The following PDZD7 variants were observed in gnomAD, a reference collection of about 807,000 sequenced individuals.
PDZD7 encodes the protein PDZ domain containing 7.
PDZD7 carries 72 observed loss-of-function variants against 84.7 expected under a neutral mutation model. The observed-to-expected ratio is 0.85, with a 90% CI of 0.70 to 1.03. The LOEUF (loss-of-function observed/expected upper bound fraction) is 1.03, where lower values mean the gene tolerates loss of function less well. Among genes scored for constraint, PDZD7 ranks in the 50% least tolerant of loss-of-function variants. The probability of loss-of-function intolerance (pLI) is 0.00; values close to 1 mark genes in which losing one functional copy is unlikely to be tolerated. For missense variants in PDZD7, 1,490 were observed against 1,412.9 expected, an observed-to-expected ratio of 1.05 and a Z score of -0.87; for synonymous variants, 594 against 580.7, an observed-to-expected ratio of 1.02 and a Z score of -0.33.
At chr10:101,009,187 C>G (rs1015380680) in intron 16 of PDZD7, 63 bp downstream of exon 16, 2 of 1,399,216 alleles carry the variant, frequency 1.4e-6, no homozygotes, top group Non-Finnish European at 1.9e-6. Flanking sequence ...GCATGGCCAG[C>G]CCCACCTCCT....
chr10:101,010,138 G>C (rs1852344503), intron 15 of PDZD7, 134 bp downstream of exon 15: 2 of 1,152,150 alleles, frequency 1.7e-6, no homozygotes, highest in Admixed American at 3.0e-5. Flanking sequence ...CAAGTGATCC[G>C]CCTGCCTCAG....
In PDZD7 at chr10:101,010,616, C is replaced by G; in HGVS notation, c.2273G>C (p.Arg758Pro). 6.7e-7 allele frequency: 1 copy of G among 1,502,866 alleles called. No individual in the cohort carries two copies. The highest frequency in any genetic ancestry group is 8.9e-7 in the Non-Finnish European group (1 of 1,126,946). 93.1% of individuals were successfully genotyped at this position (1,502,866 alleles called of 1,614,324 possible). ...PNWLLTEPLS[R>P]EHPPQSQIRG... ...GATCTGGCTCTGCGGAGGGTGCTCT[C>G]GGCTCAGGGGTTCTGTCAGCAGCCA... is the stretch of plus-strand genomic sequence containing the variant. The change falls in exon 15 of 17, where the codon CGA becomes CCA. Residue 758 changes from arginine to proline, a missense_variant. Arg to Pro is a moderately radical substitution (Grantham distance 103). Coordinates refer to ENST00000619208, the MANE Select transcript of PDZD7 (RefSeq NM_001195263.2).
At position 101,008,531 on chromosome 10, in the gene PDZD7, G is replaced by A. The variant is rs1367757642; in HGVS notation, c.3038C>T (p.Pro1013Leu). The part of the protein sequence containing the change: ...DARLLQPTPS[P>L]APSPALQTPD... ...AGTCTGGAGGGCTGGGGAGGGGGCT[G>A]GGCTGGGAGTTGGCTGGAGGAGCCT... Residue 1013 changes from proline (P) to leucine (L), a missense_variant, in exon 17 of 17, where the codon CCA becomes CTA. By Grantham distance (98) the Pro-to-Leu change is moderately conservative. Transcript: ENST00000619208. The A allele has an allele frequency of 2.0e-6, 3 of 1,534,900 alleles. No individual in the cohort carries two copies. The highest frequency in any genetic ancestry group is 2.0e-5 in the Admixed American group (1 of 50,942).
intron 2 of PDZD7, among the ~76,000 whole-genome samples, chr10:101,028,902 T>C (rs893934109): frequency 6.6e-6 from 1 of 152,154 alleles, no homozygotes; most frequent in Non-Finnish European, 1.5e-5. Flanking sequence ...GCCAGGGCAC[T>C]GGTGGAGGAA....
In PDZD7 at chr10:101,012,205, G is replaced by A. The variant is rs1451070551; in HGVS notation, c.1803C>T (p.Leu601=). The A allele has an allele frequency of 2.6e-6, 4 of 1,550,406 alleles. No homozygotes were observed. Among genetic ancestry groups the A allele is most frequent in the Admixed American group, 2.0e-5 (1 of 51,014 alleles). The change falls in exon 12 of 17, where the codon CTC becomes CTT. Residue 601 remains leucine (L), a synonymous_variant. Coordinates refer to ENST00000619208, the MANE Select transcript of PDZD7 (RefSeq NM_001195263.2). ...GCAGTAGCAGCTTCTCCGGCCTGTC[G>A]AGGATGGCCAGCAGGGGCCTCACCA... ...EDLVRPLLAI[L]DRPEKLLLLQ... is the part of the protein sequence containing the mutation.
intron 14 of PDZD7, chr10:101,011,184 G>A: frequency 1.4e-6 from 1 of 707,894 alleles, no homozygotes; most frequent in Non-Finnish European, 2.1e-6. Flanking sequence ...TGGGATTACA[G>A]GCGTGCACCA....
At chr10:101,027,111 A>G (rs919737143) in intron 2 of PDZD7, among the ~76,000 whole-genome samples, 1 of 152,152 alleles carries the variant, frequency 6.6e-6, no homozygotes, top group Non-Finnish European at 1.5e-5. Flanking sequence ...TTCTCTATAC[A>G]GTACCCAGAG....
chr10:101,022,272 T>G lies in PDZD7; in HGVS notation c.656A>C (p.Asp219Ala), dbSNP rs1451728737. ...RIVHLYTTSDDFCLGFNIRGG... is the reference protein window; with the variant it reads ...RIVHLYTTSDAFCLGFNIRGG... Reference sequence around the variant, plus strand: ...ACGGATGTTGAAGCCCAGGCAGAAGTCGTCGGAGGTTGTGTATAGGTGGAC... The same window carrying G: ...ACGGATGTTGAAGCCCAGGCAGAAGGCGTCGGAGGTTGTGTATAGGTGGAC... Residue 219 changes from aspartate (D) to alanine (A), a missense_variant, in exon 5 of 17, where the codon GAC becomes GCC. By Grantham distance (126) the Asp-to-Ala change is moderately radical. Coordinates refer to ENST00000619208, the MANE Select transcript of PDZD7 (RefSeq NM_001195263.2). The G allele has an allele frequency of 2.5e-6, 4 of 1,614,068 alleles. No homozygotes were observed. In the South Asian group the frequency reaches 4.4e-5, roughly 18 times the overall value.
intron 2 of PDZD7, among the ~76,000 whole-genome samples, chr10:101,027,687 T>C (rs1263261022): frequency 6.6e-6 from 1 of 151,958 alleles, no homozygotes; most frequent in Admixed American, 6.5e-5. Context: ...ATGATCACAT[T>C]CTGACTCTTC....
At chr10:101,023,410 G>T in intron 4 of PDZD7, 26 bp downstream of exon 4, 1 of 1,613,790 alleles carries the variant, frequency 6.2e-7, no homozygotes. Context: ...CAAGGCCAGG[G>T]CTAGGATGAG....
chr10:101,022,144 C>T lies in PDZD7; in HGVS notation c.719+65G>A, dbSNP rs1554835941. On this transcript the variant is annotated intron_variant, in intron 5 of 16. Coordinates refer to ENST00000619208, the MANE Select transcript of PDZD7 (RefSeq NM_001195263.2). ...CTTGCTGACCATCCCCACATCCCAG[C>T]CTAGGCCCCACTCCAGACCCCATTC... is the stretch of plus-strand genomic sequence containing the variant. 40 of 1,605,422 alleles carry T rather than the reference C, an allele frequency of 2.5e-5. No homozygotes were observed. The South Asian group carries it at 4.3e-4, about 17-fold the overall frequency.
intron 6 of PDZD7, 27 bp from the exon 7 acceptor site, chr10:101,020,705 G>C (rs1434831872): frequency 6.3e-7 from 1 of 1,585,300 alleles, no homozygotes; most frequent in Non-Finnish European, 8.7e-7. Flanking sequence ...GGGCATAGGA[G>C]GGAAGGGGGA....
At chr10:101,014,671 GACACAC>G (rs3051191) in intron 11 of PDZD7, among the ~76,000 whole-genome samples, 1 of 149,042 alleles carries the variant, frequency 6.7e-6, no homozygotes, top group Admixed American at 6.7e-5. Flanking sequence ...ACAATGCATG[GACACAC>G]ACACACACAC....
At chr10:101,021,774 C>A in intron 6 of PDZD7, 24 bp downstream of exon 6, 1 of 1,614,178 alleles carries the variant, frequency 6.2e-7, no homozygotes, top group Non-Finnish European at 8.5e-7. Context: ...CCTCACCTCT[C>A]CCTACCCCCA....
intron 9 of PDZD7, chr10:101,017,862 A>AGAAAGAAAGAAG: frequency 2.3e-6 from 1 of 428,574 alleles, no homozygotes. Flanking sequence ...AAAGAAAGAA[A>AGAAAGAAAGAAG]GAAAGAAAGA....
intron 11 of PDZD7, 100 bp downstream of exon 11, chr10:101,015,536 T>C: frequency 7.1e-7 from 1 of 1,411,122 alleles, no homozygotes; most frequent in Non-Finnish European, 9.5e-7. Flanking sequence ...CCTCCTGGTG[T>C]CAAGCCCAGA....
At position 101,017,381 on chromosome 10, in the gene PDZD7, T is replaced by C. The variant is rs1852676632; in HGVS notation, c.1522+718A>G. ...TCAGCAGCTGAGCCAAGACGTGCTT[T>C]ATTTTTCTTTTACTTTTTTTTTTTC... On this transcript the variant is annotated intron_variant, in intron 9 of 16. Transcript: ENST00000619208. 6.9e-6 allele frequency: 3 copies of C among 432,832 alleles called. No individual in the cohort carries two copies. The South Asian group carries it at 1.4e-4, about 20-fold the overall frequency. 26.8% of individuals were successfully genotyped at this position (432,832 alleles called of 1,614,324 possible).
In PDZD7 at chr10:101,018,260, G is replaced by T. The variant is rs1852824268; in HGVS notation, c.1361C>A (p.Ser454Tyr). ...CTGCAGGGCACCCTTCTCCCCAGGG[G>T]ACCCCGACTTCTCCTTCTTCCGCTG... ...KQQRKKEKSG[S>Y]PGEKGALQRS... The change falls in exon 9 of 17, where the codon TCC (serine) becomes TAC (tyrosine). Residue 454 changes from serine (S) to tyrosine (Y), a missense_variant. By Grantham distance (144) the Ser-to-Tyr change is moderately radical (BLOSUM62 -2). Transcript: ENST00000619208. 19 of 1,613,906 alleles carry T rather than the reference G, an allele frequency of 1.2e-5. No individual in the cohort carries two copies. In the East Asian group the frequency reaches 3.8e-4, roughly 32 times the overall value.
At chr10:101,011,150 C>G in intron 14 of PDZD7, 1 of 974,290 alleles carries the variant, frequency 1.0e-6, no homozygotes, top group Non-Finnish European at 1.4e-6. Context: ...AAGCGAGTCT[C>G]CTGCCTCAGC....
Sources: gnomAD v4.1 joint callset for allele counts (sites outside exome capture counted in the v4.1 genomes callset) on GRCh38, gnomAD v4.1.1 for gene constraint, MANE v1.5 for transcripts, NCBI Gene and HGNC (gene_info 2026-07-23, HGNC 2026-07-21) for gene names.